Variants in NR3C2 observed in about 807,000 individuals in gnomAD.
NR3C2 encodes the protein mineralocorticoid receptor.
Under a neutral mutation model 86.4 loss-of-function variants are expected in NR3C2, and 15 were observed. The observed-to-expected ratio is 0.17, with a 90% CI of 0.12 to 0.27. NR3C2 has a LOEUF of 0.27. Among genes scored for constraint, NR3C2 ranks in the 10% least tolerant of loss-of-function variants. The pLI, the probability that NR3C2 is intolerant of heterozygous loss-of-function variation, is 1.00. For missense variants in NR3C2, 960 were observed against 1,195.6 expected (o/e 0.80, Z 2.91); for synonymous variants, 458 against 450.5 (o/e 1.02, Z -0.21).
rs149268481 is a variant in NR3C2, at chr4:148,131,075, G to A, written c.2511-10787C>T. Among the ~76,000 whole-genome samples the A allele has an allele frequency of 1.5e-3, 221 of 152,070 alleles. 1 individual carries two copies. Among genetic ancestry groups the A allele is most frequent in the African/African-American group, 5.0e-3 (208 of 41,476 alleles). On this transcript the variant is annotated intron_variant, in intron 6 of 8. Coordinates refer to ENST00000358102, the MANE Select transcript of NR3C2 (RefSeq NM_000901.5). ...TCTCAGTCTTCTGACCTTGTGATCCGCCTGCCTCGGCCTCCCAAAGTGCTG... is the reference window on the plus strand; with the variant it reads ...TCTCAGTCTTCTGACCTTGTGATCCACCTGCCTCGGCCTCCCAAAGTGCTG...
chr4:148,180,218 G>C (rs1735584666), intron 4 of NR3C2, among the ~76,000 whole-genome samples: 3 of 151,732 alleles, frequency 2.0e-5, no homozygotes, highest in African/African-American at 7.2e-5. Flanking sequence ...CCAACTAGTT[G>C]TAACAAGTTG....
intron 2 of NR3C2, among the ~76,000 whole-genome samples, chr4:148,306,913 G>A (rs1034304249): frequency 3.3e-5 from 5 of 152,094 alleles, no homozygotes; most frequent in African/African-American, 1.2e-4. Context: ...ACAACTATGT[G>A]TCTCTTTTAA....
chr4:148,087,180 GAATAA>G (rs1182095651), intron 8 of NR3C2, among the ~76,000 whole-genome samples: 2 of 152,026 alleles, frequency 1.3e-5, no homozygotes, highest in African/African-American at 4.8e-5. Flanking sequence ...GCTACAAACA[GAATAA>G]AATAACTAGG....
At chr4:148,395,144 G>GT (rs1579247510) in intron 2 of NR3C2, among the ~76,000 whole-genome samples, 1 of 146,934 alleles carries the variant, frequency 6.8e-6, no homozygotes, top group African/African-American at 2.7e-5. Context: ...GTGTGTGTAT[G>GT]TGTGGAGAGA....
intron 6 of NR3C2, among the ~76,000 whole-genome samples, chr4:148,133,165 C>A (rs897241965): frequency 1.3e-5 from 2 of 150,492 alleles, no homozygotes; most frequent in Admixed American, 1.3e-4. Flanking sequence ...TGCACTTCAG[C>A]CTGGACGACA....
intron 2 of NR3C2, among the ~76,000 whole-genome samples, chr4:148,420,348 A>G (rs529140533): frequency 2.0e-4 from 30 of 152,278 alleles, no homozygotes; most frequent in Non-Finnish European, 1.3e-4. Context: ...AAGAGATTCT[A>G]TTTTCTTTAA....
intron 2 of NR3C2, among the ~76,000 whole-genome samples, chr4:148,366,841 C>T (rs1746168597): frequency 6.6e-6 from 1 of 152,008 alleles, no homozygotes; most frequent in South Asian, 2.1e-4. Context: ...AATAACATGA[C>T]CTTGTACTAT....
intron 8 of NR3C2, among the ~76,000 whole-genome samples, chr4:148,084,001 C>G (rs956276521): frequency 2.6e-5 from 4 of 152,154 alleles, no homozygotes; most frequent in East Asian, 3.9e-4. Context: ...ACGAACAAAG[C>G]CTCCAAGAAA....
intron 2 of NR3C2, among the ~76,000 whole-genome samples, chr4:148,310,741 T>C (rs968189683): frequency 2.6e-5 from 4 of 152,222 alleles, no homozygotes; most frequent in Non-Finnish European, 4.4e-5. Context: ...TATCAGCATA[T>C]GAGCATGCCA....
intron 3 of NR3C2, among the ~76,000 whole-genome samples, chr4:148,217,978 T>C (rs189484833): frequency 6.6e-6 from 1 of 152,342 alleles, no homozygotes; most frequent in African/African-American, 2.4e-5. Context: ...CTACTGTAAC[T>C]ACATGTCTAT....
rs576570611 is a variant in NR3C2, at chr4:148,228,335, A to G, written c.1897+31643T>C. On this transcript the variant is annotated intron_variant, in intron 3 of 8. Coordinates refer to ENST00000358102, the MANE Select transcript of NR3C2 (RefSeq NM_000901.5). The stretch of plus-strand genomic sequence containing the variant: ...TTTTTCCAGTGACAGTACATCGTCC[A>G]TATCAACTCAGAGAAACCTTTCTTA... Among the ~76,000 whole-genome samples the G allele has an allele frequency of 3.7e-4, 56 of 152,262 alleles. 1 individual carries two copies. The highest frequency in any genetic ancestry group is 3.4e-3 in the Middle Eastern group (1 of 294).
At chr4:148,158,706 T>C (rs1734519680) in intron 4 of NR3C2, among the ~76,000 whole-genome samples, 1 of 152,228 alleles carries the variant, frequency 6.6e-6, no homozygotes, top group Non-Finnish European at 1.5e-5. Context: ...CTTTAGGCTT[T>C]CAGTCTACAA....
At chr4:148,439,259 C>A (rs1354847673) in intron 1 of NR3C2, among the ~76,000 whole-genome samples, 1 of 152,012 alleles carries the variant, frequency 6.6e-6, no homozygotes, top group African/African-American at 2.4e-5. Flanking sequence ...TTTTGTCTTC[C>A]CCATACTAAA....
At chr4:148,282,437 T>C (rs750210695) in intron 2 of NR3C2, among the ~76,000 whole-genome samples, 4 of 152,172 alleles carry the variant, frequency 2.6e-5, no homozygotes, top group Non-Finnish European at 5.9e-5. Context: ...AAATGGAAAT[T>C]TGTTCAAGAT....
At chr4:148,116,900 T>C (rs1732297481) in intron 7 of NR3C2, among the ~76,000 whole-genome samples, 1 of 152,220 alleles carries the variant, frequency 6.6e-6, no homozygotes, top group Non-Finnish European at 1.5e-5. Flanking sequence ...ACAAGCACTT[T>C]AAAAAATGTT....
intron 2 of NR3C2, among the ~76,000 whole-genome samples, chr4:148,261,326 T>C (rs891955641): frequency 6.6e-6 from 1 of 151,158 alleles, no homozygotes; most frequent in Non-Finnish European, 1.5e-5. Context: ...AGCGCTATGG[T>C]GCGCTATGGT....
intron 1 of NR3C2, 48 bp from the exon 2 acceptor site, chr4:148,436,910 T>A: frequency 7.0e-7 from 1 of 1,429,688 alleles, no homozygotes; most frequent in South Asian, 1.2e-5. Context: ...TATAGCAATA[T>A]TACTCTAAAA....
rs7693371 is a variant in NR3C2 at position 148,221,644 on chromosome 4, G to A, written c.1898-26782C>T. Among the ~76,000 whole-genome samples the A allele has an allele frequency of 7.9e-3, 1,204 of 152,248 alleles. 13 individuals carry two copies. Among genetic ancestry groups the A allele is most frequent in the African/African-American group, 0.027 (1,117 of 41,532 alleles). ...GCGGTGGCTCACGCCTGTAATCCCA[G>A]TACTTTGGGAGGCCGAGGCAGGTGG... On this transcript the variant is annotated intron_variant, in intron 3 of 8. Transcript: ENST00000358102.
chr4:148,119,287 G>C (rs2149732546), intron 7 of NR3C2, among the ~76,000 whole-genome samples: 1 of 152,178 alleles, frequency 6.6e-6, no homozygotes. Flanking sequence ...TGCCTATATA[G>C]ACTTCCCCAC....
Sources: gnomAD v4.1 joint callset for allele counts (sites outside exome capture counted in the v4.1 genomes callset) on GRCh38, gnomAD v4.1.1 for gene constraint, MANE v1.5 for transcripts, NCBI Gene and HGNC (gene_info 2026-07-23, HGNC 2026-07-21) for gene names.